Variants in PAM observed in about 807,000 individuals in gnomAD.
The protein encoded by PAM is peptidyl-glycine alpha-amidating monooxygenase.
In PAM, 72 loss-of-function variants were observed where a neutral mutation model predicts 122.1. The ratio of observed to expected loss-of-function variants is 0.59; its 90% CI spans 0.49 to 0.72. The LOEUF is 0.72. Among genes scored for constraint, PAM ranks in the 30% least tolerant of loss-of-function variants. The pLI is 0.00. For missense variants in PAM, 1,106 were observed against 1,183.7 expected, an observed-to-expected ratio of 0.93 and a Z score of 0.96; for synonymous variants, 389 against 404.4, an observed-to-expected ratio of 0.96 and a Z score of 0.46.
At chr5:102,929,559 A>G (rs1750724636) in intron 7 of PAM, among the ~76,000 whole-genome samples, 1 of 152,200 alleles carries the variant, frequency 6.6e-6, no homozygotes, top group African/African-American at 2.4e-5. Flanking sequence ...CTACTAGGAA[A>G]TTATTATATT....
chr5:102,964,939 G>A (rs1763614949), intron 14 of PAM, among the ~76,000 whole-genome samples: 1 of 151,842 alleles, frequency 6.6e-6, no homozygotes, highest in Non-Finnish European at 1.5e-5. Flanking sequence ...CTGCGAATGA[G>A]TTGATTATGT....
chr5:102,939,407 T>G (rs537274106), intron 7 of PAM, among the ~76,000 whole-genome samples: 1 of 152,264 alleles, frequency 6.6e-6, no homozygotes, highest in Non-Finnish European at 1.5e-5. Flanking sequence ...GTTTCACAAT[T>G]TAACTGTGAT....
intron 3 of PAM, among the ~76,000 whole-genome samples, chr5:102,885,574 T>C (rs540735798): frequency 3.3e-5 from 5 of 152,042 alleles, no homozygotes; most frequent in African/African-American, 1.2e-4. Context: ...AGTTTAGAAG[T>C]TAACAAATAG....
chr5:103,024,079 A>G (rs1004078827), intron 23 of PAM, among the ~76,000 whole-genome samples: 17 of 152,244 alleles, frequency 1.1e-4, no homozygotes, highest in Admixed American at 5.2e-4. Context: ...TGCATTCTGT[A>G]TCGTAGGGCA....
At chr5:102,867,858 A>G (rs907774657) in intron 3 of PAM, among the ~76,000 whole-genome samples, 2 of 152,258 alleles carry the variant, frequency 1.3e-5, no homozygotes, top group Admixed American at 1.3e-4. Context: ...CCACTCTTTT[A>G]AAAGTTAAGA....
At chr5:102,906,033 C>T (rs773907790) in intron 4 of PAM, among the ~76,000 whole-genome samples, 35 of 151,610 alleles carry the variant, frequency 2.3e-4, no homozygotes, top group Non-Finnish European at 4.3e-4. Context: ...TTGCTATATA[C>T]CTTGTCTCAG....
At chr5:102,843,466 T>G (rs1779173788) in intron 1 of PAM, among the ~76,000 whole-genome samples, 1 of 152,152 alleles carries the variant, frequency 6.6e-6, no homozygotes, top group South Asian at 2.1e-4. Flanking sequence ...AAAAAGTTCT[T>G]AGACGTGACA....
At chr5:102,970,827 G>T (rs994115495) in intron 14 of PAM, among the ~76,000 whole-genome samples, 1 of 151,518 alleles carries the variant, frequency 6.6e-6, no homozygotes, top group African/African-American at 2.4e-5. Flanking sequence ...TATTTTTTGA[G>T]ACTGAGTCTC....
At chr5:102,835,060 A>G (rs1030843070) in intron 1 of PAM, among the ~76,000 whole-genome samples, 1 of 152,126 alleles carries the variant, frequency 6.6e-6, no homozygotes, top group Non-Finnish European at 1.5e-5. Context: ...GAAGGGAAGG[A>G]AAAGTCAATT....
intron 1 of PAM, among the ~76,000 whole-genome samples, chr5:102,812,894 T>G (rs545838767): frequency 6.6e-6 from 1 of 152,288 alleles, no homozygotes; most frequent in East Asian, 1.9e-4. Flanking sequence ...CATTTCAATG[T>G]TTAGTTTCTT....
chr5:103,021,827 AAC>A (rs2151305123), intron 23 of PAM, among the ~76,000 whole-genome samples: 1 of 152,310 alleles, frequency 6.6e-6, no homozygotes, highest in East Asian at 1.9e-4. Flanking sequence ...GAGAAGGGAA[AAC>A]ACAATTTCAG....
At chr5:102,979,778 A>G (rs1769112135) in intron 15 of PAM, among the ~76,000 whole-genome samples, 1 of 152,048 alleles carries the variant, frequency 6.6e-6, no homozygotes, top group African/African-American at 2.4e-5. Flanking sequence ...AATTGATGCA[A>G]TTTTAATAGC....
intron 1 of PAM, among the ~76,000 whole-genome samples, chr5:102,825,042 C>G (rs187240958): frequency 2.6e-5 from 4 of 152,132 alleles, no homozygotes; most frequent in Non-Finnish European, 5.9e-5. Context: ...ATAGCTAATG[C>G]GAAAGCACCT....
intron 11 of PAM, among the ~76,000 whole-genome samples, chr5:102,950,416 G>GGGGGGTGTGTGTGTGTGTGT (rs372626572): frequency 4.1e-5 from 6 of 145,966 alleles, no homozygotes; most frequent in African/African-American, 1.0e-4. Context: ...TATGTGGGTG[G>GGGGGGTGTGTGTGTGTGTGT]GTGTGTGTGT....
intron 7 of PAM, among the ~76,000 whole-genome samples, chr5:102,941,996 C>T (rs1755415267): frequency 6.6e-6 from 1 of 152,080 alleles, no homozygotes; most frequent in Admixed American, 6.6e-5. Flanking sequence ...TATGTCCCAT[C>T]TCTCTGCAGC....
Position 103,017,354 on chromosome 5 carries a change from T to C in PAM, c.2352T>C (p.Asp784=). ...GGCAGCACTTTGATATGCCTCATGA[T>C]ATTGTTGCATCTGAAGATGGGACTG... ...PVRKHFDMPH[D]IVASEDGTVY... The change falls in exon 22 of 26, where the codon GAT becomes GAC. Residue 784 remains aspartate (D), a synonymous_variant. Transcript: ENST00000438793. 6.2e-7 allele frequency: 1 copy of C among 1,610,542 alleles called. No individual in the cohort carries two copies. Among genetic ancestry groups the C allele is most frequent in the Non-Finnish European group, 8.5e-7 (1 of 1,176,844 alleles).
intron 1 of PAM, among the ~76,000 whole-genome samples, chr5:102,806,713 C>G (rs1307492415): frequency 6.6e-6 from 1 of 152,106 alleles, no homozygotes; most frequent in Non-Finnish European, 1.5e-5. Context: ...TGTTGGAAAG[C>G]TTTTGTACTT....
intron 1 of PAM, among the ~76,000 whole-genome samples, chr5:102,767,518 A>G (rs562445383): frequency 6.6e-6 from 1 of 152,304 alleles, no homozygotes; most frequent in Admixed American, 6.5e-5. Flanking sequence ...GTTTCCTAAC[A>G]GAGTGGCACA....
chr5:102,774,970 G>A lies in PAM; in HGVS notation c.-374+19622G>A, dbSNP rs933368476. Among the ~76,000 whole-genome samples the A allele has an allele frequency of 2.6e-5, 4 of 151,826 alleles. No homozygotes were observed. The East Asian group carries it at 5.8e-4, about 22-fold the overall frequency. ...TAAAAATATTCTTGCTGTGAGGTCA[G>A]ATAATAGTTACCTATAGTTTTATTC... is the stretch of plus-strand genomic sequence containing the variant. On this transcript the variant is annotated intron_variant, in intron 1 of 25. Coordinates refer to ENST00000438793, the MANE Select transcript of PAM (RefSeq NM_001177306.2).
Sources: allele counts gnomAD v4.1 joint callset (sites outside exome capture counted in the v4.1 genomes callset), GRCh38; gene constraint gnomAD v4.1.1; transcripts MANE v1.5; gene names NCBI Gene and HGNC (gene_info 2026-07-23, HGNC 2026-07-21).